The following NOSIP variants were observed in gnomAD, a reference collection of about 807,000 sequenced individuals.
NOSIP encodes the protein nitric oxide synthase interacting protein.
Under a neutral mutation model 36.4 loss-of-function variants are expected in NOSIP, and 25 were observed. The ratio of observed to expected loss-of-function variants is 0.69; its 90% CI spans 0.50 to 0.96. The LOEUF is 0.96. Among genes scored for constraint, NOSIP ranks in the 40% least tolerant of loss-of-function variants. NOSIP has a pLI of 0.00. For missense variants in NOSIP, 370 were observed against 429.0 expected, an observed-to-expected ratio of 0.86 and a Z score of 1.21; for synonymous variants, 187 against 179.2, an observed-to-expected ratio of 1.04 and a Z score of -0.35.
intron 1 of NOSIP, among the ~76,000 whole-genome samples, chr19:49,574,862 A>ATT (rs1257395416): frequency 1.3e-4 from 18 of 136,178 alleles, no homozygotes; most frequent in Non-Finnish European, 1.1e-4. Flanking sequence ...TGCCTGGCTA[A>ATT]TTTTTTTTTT....
At chr19:49,578,707 C>T (rs910592670) in intron 1 of NOSIP, among the ~76,000 whole-genome samples, 8 of 150,844 alleles carry the variant, frequency 5.3e-5, no homozygotes, top group African/African-American at 9.8e-5. Context: ...AGTGCAGTGG[C>T]GTGATCTCGG....
Position 49,560,803 on chromosome 19 carries a change from C to G in NOSIP, c.-1-111G>C. 1 of 833,766 alleles carries G rather than the reference C, an allele frequency of 1.2e-6. No individual in the cohort carries two copies. Among genetic ancestry groups the G allele is most frequent in the South Asian group, 1.5e-5 (1 of 66,868 alleles). The allele number at this position is 833,766 out of a possible 1,614,324, so 51.6% of individuals were successfully genotyped here. ...GCCCCCCTTGATGGGAAAGCGGAGG[C>G]GGAGAAGGGGGGTGAGGTGGAAGAG... is the stretch of plus-strand genomic sequence containing the variant. On this transcript the variant is annotated intron_variant, in intron 1 of 8. Coordinates refer to ENST00000596358, the MANE Select transcript of NOSIP (RefSeq NM_001270960.2). The surrounding 1 kb of genome is among the most constrained non-coding windows in gnomAD (Gnocchi z 4.6).
chr19:49,575,066 C>T (rs187205198), intron 1 of NOSIP, among the ~76,000 whole-genome samples: 225 of 152,096 alleles, frequency 1.5e-3, no homozygotes, highest in Middle Eastern at 3.4e-3. Flanking sequence ...GGTTTCACCA[C>T]GTTAGCCAGG....
intron 4 of NOSIP, chr19:49,558,280 G>C (rs1288017699): frequency 8.0e-6 from 1 of 125,624 alleles, no homozygotes; most frequent in East Asian, 2.2e-4. Flanking sequence ...ACAGAATCTC[G>C]CTCGGTTACC....
rs750931959 is a variant in NOSIP at position 49,555,828 on chromosome 19, G to A, written c.835-6C>T. On this transcript the variant is annotated splice_polypyrimidine_tract_variant and splice_region_variant and intron_variant, in intron 8 of 8. Coordinates refer to ENST00000596358, the MANE Select transcript of NOSIP (RefSeq NM_001270960.2). ...CCCGCGAAGCCGGTACCGCCCTGGGGGAGGTAGAGAGAAGGACGAGGTAGA... is the reference window on the plus strand; with the variant it reads ...CCCGCGAAGCCGGTACCGCCCTGGGAGAGGTAGAGAGAAGGACGAGGTAGA... The A allele has an allele frequency of 5.2e-5, 84 of 1,612,890 alleles. 1 individual carries two copies. The East Asian group carries it at 1.8e-3, about 34-fold the overall frequency.
intron 3 of NOSIP, chr19:49,559,232 G>C (rs2080298114): frequency 2.1e-6 from 1 of 467,120 alleles, no homozygotes; most frequent in Non-Finnish European, 3.9e-6. Flanking sequence ...GCTTCCAGCT[G>C]TCCTCTCCCA....
At chr19:49,559,062 T>A in intron 3 of NOSIP, 84 bp from the exon 4 acceptor site, 1 of 1,041,678 alleles carries the variant, frequency 9.6e-7, no homozygotes. Flanking sequence ...TAGGCAGAAG[T>A]CATCATGATC....
At chr19:49,557,463 G>T in intron 4 of NOSIP, 1 of 1,401,976 alleles carries the variant, frequency 7.1e-7, no homozygotes. Flanking sequence ...GTCACTCTGT[G>T]GCCTAAGTGA....
intron 8 of NOSIP, 22 bp from the exon 9 acceptor site, chr19:49,555,844 A>C (rs1568719044): frequency 6.2e-7 from 1 of 1,605,082 alleles, no homozygotes; most frequent in Non-Finnish European, 8.5e-7. Context: ...AGAGAGAAGG[A>C]CGAGGTAGAG....
At chr19:49,561,774 C>T (rs1338910536) in intron 1 of NOSIP, among the ~76,000 whole-genome samples, 3 of 151,658 alleles carry the variant, frequency 2.0e-5, no homozygotes, top group Non-Finnish European at 4.4e-5. Flanking sequence ...CCCAACTACT[C>T]GGGAGGCTGA....
intron 4 of NOSIP, 100 bp from the exon 5 acceptor site, chr19:49,557,349 C>T: frequency 3.4e-6 from 5 of 1,467,770 alleles, no homozygotes; most frequent in Non-Finnish European, 4.5e-6. Context: ...AGGGGACCCT[C>T]TGATGGAGGC....
chr19:49,572,969 T>A (rs2080505374), intron 1 of NOSIP, among the ~76,000 whole-genome samples: 1 of 102,618 alleles, frequency 9.7e-6, no homozygotes, highest in East Asian at 3.1e-4. Flanking sequence ...CAAGACTGTG[T>A]CTCAAAAAAA....
chr19:49,560,818 AGGTGGAAGAGAGGGAGGGCATGT>A lies in NOSIP; in HGVS notation c.-1-149_-1-127del, dbSNP rs1273971460. 6.7e-6 allele frequency: 5 copies of A among 742,360 alleles called. No homozygotes were observed. The African/African-American group carries it at 8.6e-5, about 13-fold the overall frequency. 46.0% of individuals were successfully genotyped at this position (742,360 alleles called of 1,614,324 possible). On this transcript the variant is annotated intron_variant, in intron 1 of 8. Transcript: ENST00000596358. This position sits in a 1 kb window ranked among gnomAD's most constrained non-coding sequence, Gnocchi z 4.6. ...AAAGCGGAGGCGGAGAAGGGGGGTGAGGTGGAAGAGAGGGAGGGCATGTGGTCGCCAGGCCTCCTCCAGGAAGT... is the reference window on the plus strand; with the variant it reads ...AAAGCGGAGGCGGAGAAGGGGGGTGAGGTCGCCAGGCCTCCTCCAGGAAGT...
At chr19:49,559,342 T>C in intron 3 of NOSIP, 1 of 201,492 alleles carries the variant, frequency 5.0e-6, no homozygotes, top group East Asian at 1.3e-4. Context: ...CAAAGTGAGC[T>C]CCCCTCTCTA....
chr19:49,561,354 G>A (rs1051682390), intron 1 of NOSIP, among the ~76,000 whole-genome samples: 11 of 152,180 alleles, frequency 7.2e-5, no homozygotes, highest in Non-Finnish European at 1.5e-4. Flanking sequence ...CAGAACCCTG[G>A]AGCTCAATTC....
intron 3 of NOSIP, chr19:49,559,341 C>T: frequency 4.7e-6 from 1 of 211,344 alleles, no homozygotes; most frequent in South Asian, 7.6e-5. Flanking sequence ...ACAAAGTGAG[C>T]TCCCCTCTCT....
In NOSIP at chr19:49,556,751, G is replaced by C. The variant is rs898831268; in HGVS notation, c.538-15C>G. ...ACCGTGCGGGACTGCAAGGGGCAGA[G>C]AGAGGCGGGCTCAGTAGGCAGGGCT... On this transcript the variant is annotated splice_polypyrimidine_tract_variant and intron_variant, in intron 6 of 8. Transcript: ENST00000596358. The C allele has an allele frequency of 3.8e-6, 6 of 1,589,004 alleles. No homozygotes were observed. The highest frequency in any genetic ancestry group is 5.1e-6 in the Non-Finnish European group (6 of 1,166,820).
Position 49,579,543 on chromosome 19 carries a change from C to A in NOSIP, c.-2+972G>T, listed in dbSNP as rs980259902. On this transcript the variant is annotated intron_variant, in intron 1 of 8. Transcript: ENST00000596358. Reference sequence around the variant, plus strand: ...AACTTAGAAATTTAATCAAGTTAATCAATTTAATCAACTAGCTTTTTGTTT... The same window carrying A: ...AACTTAGAAATTTAATCAAGTTAATAAATTTAATCAACTAGCTTTTTGTTT... 2.6e-5 allele frequency among the ~76,000 whole-genome samples: 4 copies of A among 152,212 alleles called. No homozygotes were observed. The South Asian group carries it at 8.3e-4, about 31-fold the overall frequency.
intron 8 of NOSIP, among the ~76,000 whole-genome samples, 176 bp downstream of exon 8, chr19:49,556,141 G>A (rs1480642916): frequency 1.5e-5 from 1 of 64,574 alleles, no homozygotes; most frequent in Non-Finnish European, 2.6e-5. Flanking sequence ...GAGCGGAGGG[G>A]GGGAAGGGCG....
Sources: gnomAD v4.1 joint callset for allele counts (sites outside exome capture counted in the v4.1 genomes callset) on GRCh38, gnomAD v4.1.1 for gene constraint, Gnocchi (gnomAD v3.1) non-coding constraint, MANE v1.5 for transcripts, NCBI Gene and HGNC (gene_info 2026-07-23, HGNC 2026-07-21) for gene names.